Variants in IFNGR2 observed in about 807,000 individuals in gnomAD.
IFNGR2 encodes the protein IFN-gamma receptor 2.
IFNGR2 carries 15 observed loss-of-function variants against 41.1 expected under a neutral mutation model. The ratio of observed to expected loss-of-function variants is 0.37; its 90% confidence interval spans 0.24 to 0.56. The LOEUF is 0.56. IFNGR2 is among the 20% of genes least tolerant of loss of function. The pLI is 0.81. For synonymous variants in IFNGR2, 161 were observed against 171.6 expected, an observed-to-expected ratio of 0.94 and a Z score of 0.48; for missense variants, 362 against 415.7, an observed-to-expected ratio of 0.87 and a Z score of 1.12.
rs1369223064 is a variant in IFNGR2, at chr21:33,437,052, T to C, written c.*90T>C. On this transcript the variant is annotated 3_prime_UTR_variant, in exon 7 of 7. Transcript: ENST00000290219. The stretch of plus-strand genomic sequence containing the variant: ...TCTGTCTGGACTTTCCAGAGACCAG[T>C]ATTCCCTTTTGCTGCCTCTAAAAGG... The C allele has an allele frequency of 1.4e-6, 2 of 1,405,300 alleles. No individual in the cohort carries two copies. The highest frequency in any genetic ancestry group is 2.8e-5 in the African/African-American group (2 of 70,694). 87.1% of individuals were successfully genotyped at this position (1,405,300 alleles called of 1,614,324 possible). A position where few individuals can be genotyped will look rare whatever the true frequency, so the allele number is the denominator to read the frequency against.
intron 3 of IFNGR2, among the ~76,000 whole-genome samples, chr21:33,422,536 A>G (rs1395815262): frequency 2.0e-5 from 3 of 152,168 alleles, no homozygotes; most frequent in Non-Finnish European, 4.4e-5. Flanking sequence ...TTAAGATGTT[A>G]AAGTTTATGT....
intron 1 of IFNGR2, among the ~76,000 whole-genome samples, chr21:33,406,686 C>T (rs1327894288): frequency 6.9e-6 from 1 of 145,180 alleles, no homozygotes; most frequent in African/African-American, 2.6e-5. Flanking sequence ...CTCTCTCCAT[C>T]GCCCAGGCTG....
intron 3 of IFNGR2, among the ~76,000 whole-genome samples, chr21:33,426,007 G>A (rs1169606903): frequency 2.6e-5 from 4 of 152,204 alleles, no homozygotes; most frequent in African/African-American, 9.6e-5. Context: ...CTTAATAAAT[G>A]CTTGATAACC....
intron 1 of IFNGR2, 27 bp downstream of exon 1, chr21:33,403,643 G>C (rs186418679): frequency 6.2e-6 from 8 of 1,299,804 alleles, no homozygotes; most frequent in African/African-American, 1.6e-5. Flanking sequence ...CCTCCGCGGC[G>C]GGACGCGGGC....
chr21:33,416,109 G>A (rs889323636), intron 2 of IFNGR2, among the ~76,000 whole-genome samples: 1 of 152,092 alleles, frequency 6.6e-6, no homozygotes, highest in Non-Finnish European at 1.5e-5. Context: ...TGATTTGCCC[G>A]CCTGGGCCTC....
intron 4 of IFNGR2, among the ~76,000 whole-genome samples, chr21:33,429,930 G>A (rs770184445): frequency 6.6e-6 from 1 of 152,198 alleles, no homozygotes; most frequent in Non-Finnish European, 1.5e-5. Context: ...CTTGAGGTCA[G>A]GGGTTCGAGA....
chr21:33,427,615 C>T (rs752352773), intron 4 of IFNGR2, among the ~76,000 whole-genome samples: 34 of 152,102 alleles, frequency 2.2e-4, no homozygotes, highest in Admixed American at 2.2e-3. Flanking sequence ...GACATCAGAG[C>T]GGCCTGGTCA....
At chr21:33,412,181 C>G (rs2083722044) in intron 1 of IFNGR2, among the ~76,000 whole-genome samples, 1 of 152,196 alleles carries the variant, frequency 6.6e-6, no homozygotes, top group African/African-American at 2.4e-5. Flanking sequence ...TTGTCAGATT[C>G]TTTGAATGCC....
At chr21:33,416,111 C>T (rs1391907292) in intron 2 of IFNGR2, among the ~76,000 whole-genome samples, 1 of 152,216 alleles carries the variant, frequency 6.6e-6, no homozygotes, top group Non-Finnish European at 1.5e-5. Flanking sequence ...ATTTGCCCGC[C>T]TGGGCCTCCC....
intron 2 of IFNGR2, 38 bp downstream of exon 2, chr21:33,415,058 G>A (rs759654151): frequency 1.9e-6 from 3 of 1,612,950 alleles, no homozygotes; most frequent in South Asian, 2.2e-5. Flanking sequence ...GCTGGGAGCT[G>A]TGGGGGCATC....
intron 1 of IFNGR2, chr21:33,411,032 C>T (rs929334465): frequency 5.9e-6 from 4 of 675,384 alleles, no homozygotes; most frequent in Non-Finnish European, 1.1e-5. Flanking sequence ...TGCCCAAGGA[C>T]AGGCCCCCTG....
intron 1 of IFNGR2, among the ~76,000 whole-genome samples, chr21:33,407,859 A>G (rs981686651): frequency 6.9e-5 from 1 of 14,392 alleles, no homozygotes; most frequent in Non-Finnish European, 1.6e-4. Flanking sequence ...CCCCCCCGCC[A>G]ACCCCCGCCA....
At chr21:33,435,955 G>A (rs2083943373) in intron 6 of IFNGR2, among the ~76,000 whole-genome samples, 1 of 151,694 alleles carries the variant, frequency 6.6e-6, no homozygotes, top group Non-Finnish European at 1.5e-5. Context: ...TACTTGGTTG[G>A]GAAGCTGAGG....
chr21:33,433,494 TGAGTA>T lies in IFNGR2; in HGVS notation c.879+630_879+634del, dbSNP rs200005660. On this transcript the variant is annotated intron_variant, in intron 6 of 6. Coordinates refer to ENST00000290219, the MANE Select transcript of IFNGR2 (RefSeq NM_005534.4). ...CACATGGACCTTGAGGACATTATGC[TGAGTA>T]GAGTAGGGCAGTCACAAAAGGATAC... Among the ~76,000 whole-genome samples the T allele has an allele frequency of 5.3e-3, 809 of 152,298 alleles. 8 individuals carry two copies. Among genetic ancestry groups the T allele is most frequent in the African/African-American group, 0.019 (782 of 41,558 alleles).
In IFNGR2 at chr21:33,407,480, C is replaced by T. The variant is rs56017257; in HGVS notation, c.73+3864C>T. On this transcript the variant is annotated intron_variant, in intron 1 of 6. Transcript: ENST00000290219. ...CAAGTGCTTTATATACATTACCTCT[C>T]TTAATTTTCTCAGCCATTCTTTCGA... is the stretch of plus-strand genomic sequence containing the variant. 9.5e-3 allele frequency among the ~76,000 whole-genome samples: 1,450 copies of T among 152,314 alleles called. 12 individuals are homozygous for T. The highest frequency in any genetic ancestry group is 0.015 in the Non-Finnish European group (1,011 of 68,026).
chr21:33,421,767 C>T, intron 3 of IFNGR2, 82 bp downstream of exon 3: 1 of 1,058,152 alleles, frequency 9.5e-7, no homozygotes, highest in South Asian at 1.3e-5. Context: ...CACCTCTGTC[C>T]TGCCTGTCAC....
At chr21:33,426,792 TAC>T in intron 3 of IFNGR2, 90 bp from the exon 4 acceptor site, 2 of 664,200 alleles carry the variant, frequency 3.0e-6, no homozygotes, top group Non-Finnish European at 4.9e-6. Flanking sequence ...TATATATATA[TAC>T]ATATATATAT....
intron 1 of IFNGR2, among the ~76,000 whole-genome samples, chr21:33,407,201 T>C (rs1188735919): frequency 6.6e-6 from 1 of 151,914 alleles, no homozygotes; most frequent in Non-Finnish European, 1.5e-5. Flanking sequence ...TTTCAGGGGA[T>C]TGGATATGTA....
At chr21:33,436,016 G>A (rs759894258) in intron 6 of IFNGR2, among the ~76,000 whole-genome samples, 37 of 151,496 alleles carry the variant, frequency 2.4e-4, no homozygotes, top group Non-Finnish European at 2.9e-4. Flanking sequence ...AGCCGAGATC[G>A]CGCCACTGCA....
Sources: gnomAD v4.1 joint callset for allele counts (sites outside exome capture counted in the v4.1 genomes callset) on GRCh38, gnomAD v4.1.1 for gene constraint, MANE v1.5 for transcripts, NCBI Gene and HGNC (gene_info 2026-07-23, HGNC 2026-07-21) for gene names.